Variants in MAP4K5 observed in about 807,000 individuals in gnomAD.
MAP4K5 encodes MAPK/ERK kinase kinase kinase 5.
In MAP4K5, 82 loss-of-function variants were observed where a neutral mutation model predicts 135.6. The observed-to-expected ratio is 0.60, with a 90% CI of 0.51 to 0.73. The LOEUF (loss-of-function observed/expected upper bound fraction) is 0.73. Among genes scored for constraint, MAP4K5 ranks in the 30% least tolerant of loss-of-function variants. The pLI is 0.00. For synonymous variants in MAP4K5, 347 were observed against 335.0 expected (o/e 1.04, Z -0.39); for missense variants, 907 against 1,010.9 (o/e 0.90, Z 1.39).
chr14:50,448,964 T>C, intron 14 of MAP4K5, 132 bp from the exon 15 acceptor site: 1 of 633,876 alleles, frequency 1.6e-6, no homozygotes, highest in Non-Finnish European at 2.8e-6. Context: ...AATATGTTAT[T>C]TTTTGACTAC....
chr14:50,547,213 C>T (rs546862028), intron 1 of MAP4K5, among the ~76,000 whole-genome samples: 7 of 152,138 alleles, frequency 4.6e-5, no homozygotes, highest in South Asian at 2.1e-4. Flanking sequence ...CTGCTAAAAA[C>T]GAATGAATTG....
intron 2 of MAP4K5, among the ~76,000 whole-genome samples, chr14:50,540,622 C>G (rs2038549066): frequency 6.6e-6 from 1 of 152,074 alleles, no homozygotes; most frequent in Admixed American, 6.6e-5. Flanking sequence ...TCTGCAGTCT[C>G]AAAATACCGC....
intron 28 of MAP4K5, among the ~76,000 whole-genome samples, chr14:50,432,556 CAAAAA>C (rs56267301): frequency 1.4e-5 from 2 of 139,922 alleles, no homozygotes; most frequent in African/African-American, 6.0e-5. Context: ...ACAAAACTCT[CAAAAA>C]AAAAAAAAAA....
At chr14:50,476,096 G>A (rs905501579) in intron 8 of MAP4K5, 32 bp downstream of exon 8, 3 of 1,294,590 alleles carry the variant, frequency 2.3e-6, no homozygotes, top group East Asian at 5.5e-5. Flanking sequence ...TTAAATTTTT[G>A]GAAAAAATTT....
chr14:50,540,574 T>A (rs1400051880), intron 2 of MAP4K5, among the ~76,000 whole-genome samples: 2 of 152,162 alleles, frequency 1.3e-5, no homozygotes, highest in African/African-American at 2.4e-5. Flanking sequence ...TTCTCATACA[T>A]TCTGGAGGTT....
At chr14:50,530,909 G>A (rs964851749) in intron 2 of MAP4K5, among the ~76,000 whole-genome samples, 3 of 152,190 alleles carry the variant, frequency 2.0e-5, no homozygotes, top group African/African-American at 7.2e-5. Context: ...AACCACCTGT[G>A]CAAAACAACA....
chr14:50,529,768 G>T (rs1182914482), intron 2 of MAP4K5, among the ~76,000 whole-genome samples: 2 of 152,152 alleles, frequency 1.3e-5, no homozygotes, highest in Non-Finnish European at 2.9e-5. Flanking sequence ...TGGTGAAGGG[G>T]AGACATTACG....
chr14:50,448,887 A>C, intron 14 of MAP4K5, 55 bp from the exon 15 acceptor site: 5 of 833,684 alleles, frequency 6.0e-6, no homozygotes, highest in Non-Finnish European at 9.8e-6. Flanking sequence ...GGTTGATCTC[A>C]GAAATGTAAT....
intron 2 of MAP4K5, among the ~76,000 whole-genome samples, chr14:50,521,881 T>C (rs189196136): frequency 4.8e-4 from 73 of 152,342 alleles, no homozygotes; most frequent in African/African-American, 1.6e-3. Flanking sequence ...AATAGCCTTC[T>C]AATAAAACTC....
Position 50,466,622 on chromosome 14 carries a change from C to T in MAP4K5, c.698G>A (p.Ser233Asn). The T allele has an allele frequency of 6.9e-7, 1 of 1,457,374 alleles. No homozygotes were observed. Among genetic ancestry groups the T allele is most frequent in the Non-Finnish European group, 9.4e-7 (1 of 1,062,390 alleles). The allele number at this position is 1,457,374 out of a possible 1,614,324, so 90.3% of individuals were successfully genotyped here. Reference sequence around the variant, plus strand: ...CTTTAGTTTTGGAGGCTGAAAATTACTTTTTGACATTAAGAAGAGAGCCCT... The same window carrying T: ...CTTTAGTTTTGGAGGCTGAAAATTATTTTTTGACATTAAGAAGAGAGCCCT... ...PMRALFLMSK[S>N]NFQPPKLKDK... Residue 233 changes from serine to asparagine, a missense_variant, in exon 11 of 33, where the codon AGT becomes AAT. Physicochemically the swap from Ser to Asn is conservative, Grantham distance 46. Around this residue, in one of 3 missense-constraint regions of MAP4K5, gnomAD observed 690 missense variants for 777.4 expected, o/e 0.89. Coordinates refer to ENST00000682126, the MANE Select transcript of MAP4K5 (RefSeq NM_006575.6).
chr14:50,484,802 C>A (rs952400835), intron 5 of MAP4K5, among the ~76,000 whole-genome samples: 6 of 152,116 alleles, frequency 3.9e-5, no homozygotes, highest in African/African-American at 1.4e-4. Context: ...ACTGTGGCTG[C>A]ATTTGTAAAC....
intron 13 of MAP4K5, among the ~76,000 whole-genome samples, chr14:50,462,040 G>A (rs1043498480): frequency 6.6e-6 from 1 of 152,068 alleles, no homozygotes; most frequent in Non-Finnish European, 1.5e-5. Flanking sequence ...TACTGAAAAG[G>A]ATAACATTTT....
At chr14:50,502,673 T>C (rs1343212533) in intron 3 of MAP4K5, among the ~76,000 whole-genome samples, 1 of 152,030 alleles carries the variant, frequency 6.6e-6, no homozygotes, top group African/African-American at 2.4e-5. Flanking sequence ...AGAGTGAAGA[T>C]TATAATACGC....
chr14:50,503,233 C>A (rs527245179), intron 3 of MAP4K5, among the ~76,000 whole-genome samples: 1 of 151,956 alleles, frequency 6.6e-6, no homozygotes, highest in African/African-American at 2.4e-5. Flanking sequence ...AGGACTGGGG[C>A]AAGGCATAAG....
chr14:50,510,492 A>G (rs956069416), intron 2 of MAP4K5, among the ~76,000 whole-genome samples: 3 of 152,216 alleles, frequency 2.0e-5, no homozygotes, highest in Non-Finnish European at 4.4e-5. Context: ...GCTGTGCCAC[A>G]TGGTAGATGC....
At chr14:50,440,566 T>C (rs187928905) in intron 21 of MAP4K5, 125 bp from the exon 22 acceptor site, 1 of 544,418 alleles carries the variant, frequency 1.8e-6, no homozygotes, top group East Asian at 3.0e-5. Context: ...TAAAATTATT[T>C]TCTTAAATTT....
intron 13 of MAP4K5, among the ~76,000 whole-genome samples, chr14:50,458,338 C>CA (rs1464932002): frequency 1.3e-5 from 2 of 152,128 alleles, no homozygotes; most frequent in African/African-American, 2.4e-5. Flanking sequence ...TATTCATGAG[C>CA]ATTTAATACT....
chr14:50,470,324 A>C (rs1375181063), intron 9 of MAP4K5, among the ~76,000 whole-genome samples: 1 of 152,174 alleles, frequency 6.6e-6, no homozygotes, highest in Non-Finnish European at 1.5e-5. Context: ...ATCTTAGGGA[A>C]GAGTAAAGAA....
rs577529511 is a variant in MAP4K5, at chr14:50,555,356, A to G, written c.-180+5684T>C. Among the ~76,000 whole-genome samples, 7 of 152,334 alleles carry G rather than the reference A, an allele frequency of 4.6e-5. No individual in the cohort carries two copies. In the East Asian group the frequency reaches 1.3e-3, roughly 29 times the overall value. On this transcript the variant is annotated intron_variant, in intron 1 of 8. Coordinates refer to the MAP4K5 transcript ENST00000555216. Reference sequence around the variant, plus strand: ...GAGTGCAGTGGCGTGATCTTGGCTCACTGCAACCTCTGCCTCCCGGGTTCA... The same window carrying G: ...GAGTGCAGTGGCGTGATCTTGGCTCGCTGCAACCTCTGCCTCCCGGGTTCA...
Sources: gnomAD v4.1 joint callset for allele counts (sites outside exome capture counted in the v4.1 genomes callset) on GRCh38, gnomAD v4.1.1 for gene constraint, gnomAD v4.1.1 regional missense constraint, MANE v1.5 for transcripts, NCBI Gene and HGNC (gene_info 2026-07-23, HGNC 2026-07-21) for gene names.